Variants in PLD5 observed in about 807,000 individuals in gnomAD.
PLD5 encodes the protein phospholipase D family member 5, also known as inactive phospholipase D5.
Under a neutral mutation model 61.1 loss-of-function variants are expected in PLD5, and 36 were observed. That is an observed-to-expected ratio of 0.59 (90% CI 0.45 to 0.78). The LOEUF is 0.78. Ranked by LOEUF, PLD5 falls within the 30% of genes least tolerant of loss-of-function variation. The pLI, the probability that PLD5 is intolerant of heterozygous loss-of-function variation, is 0.00. For missense variants in PLD5, 515 were observed against 644.4 expected, an observed-to-expected ratio of 0.80 and a Z score of 2.17; for synonymous variants, 243 against 242.8, an observed-to-expected ratio of 1.00 and a Z score of -0.01.
rs536702784 is a variant in PLD5, at chr1:242,265,536, T to C, written c.496-88A>G. 63 of 1,120,982 alleles carry C rather than the reference T, an allele frequency of 5.6e-5. No homozygotes were observed. In the South Asian group the frequency reaches 9.1e-4, roughly 16 times the overall value. 69.4% of individuals were successfully genotyped at this position (1,120,982 alleles called of 1,614,324 possible). A position where few individuals can be genotyped will look rare whatever the true frequency, so the allele number is the denominator to read the frequency against. On this transcript the variant is annotated intron_variant, in intron 3 of 9. Coordinates refer to ENST00000536534, the MANE Select transcript of PLD5 (RefSeq NM_001372062.1). The stretch of plus-strand genomic sequence containing the variant: ...GTAAAAATAAACTCATTAAAATTAA[T>C]CTATTCGTTCAAATGTTAAAAAGTC...
chr1:242,505,636 A>G (rs1156672236), intron 1 of PLD5, among the ~76,000 whole-genome samples: 1 of 152,214 alleles, frequency 6.6e-6, no homozygotes, highest in African/African-American at 2.4e-5. Flanking sequence ...GTTCCATGTG[A>G]TGGACCAGAG....
chr1:242,358,505 T>C (rs1205708715), intron 1 of PLD5, among the ~76,000 whole-genome samples: 3 of 152,088 alleles, frequency 2.0e-5, no homozygotes, highest in Admixed American at 6.6e-5. Flanking sequence ...GTCACTGCCT[T>C]TTCTCTGAAT....
chr1:242,146,676 A>G (rs1377743519), intron 5 of PLD5, among the ~76,000 whole-genome samples: 1 of 152,220 alleles, frequency 6.6e-6, no homozygotes, highest in African/African-American at 2.4e-5. Context: ...TATATATTAA[A>G]AAGTTCTTAT....
upstream of PLD5, among the ~76,000 whole-genome samples, chr1:242,527,114 CTTTTTTTTTTT>C (rs530334746): frequency 3.5e-4 from 25 of 71,974 alleles, no homozygotes; most frequent in South Asian, 1.1e-3. Context: ...CTATCTCCTT[CTTTTTTTTTTT>C]TTTTTTTTTT....
intron 9 of PLD5, among the ~76,000 whole-genome samples, chr1:242,091,254 A>G (rs1024950725): frequency 6.6e-6 from 1 of 152,170 alleles, no homozygotes; most frequent in East Asian, 1.9e-4. Context: ...ACTTCAACAT[A>G]TGAATTTTGG....
In PLD5 at chr1:242,288,288, T is replaced by C. The variant is rs943966874; in HGVS notation, c.495+74A>G. On this transcript the variant is annotated intron_variant, in intron 3 of 9. Coordinates refer to ENST00000536534, the MANE Select transcript of PLD5 (RefSeq NM_001372062.1). ...AATAAATGAGCTTGAGTTTGAGGAG[T>C]GGAGGAGCAGAATACTAAGGAGTGG... 8 of 1,569,382 alleles carry C rather than the reference T, an allele frequency of 5.1e-6. No homozygotes were observed. The African/African-American group carries it at 9.7e-5, about 19-fold the overall frequency.
At chr1:242,118,447 A>G (rs1662116748) in intron 6 of PLD5, among the ~76,000 whole-genome samples, 1 of 152,310 alleles carries the variant, frequency 6.6e-6, no homozygotes, top group East Asian at 1.9e-4. Flanking sequence ...CGCATGTTAC[A>G]TGGCATTGCA....
intron 5 of PLD5, among the ~76,000 whole-genome samples, chr1:242,185,571 C>A (rs1233192609): frequency 2.6e-5 from 4 of 152,146 alleles, no homozygotes; most frequent in Non-Finnish European, 5.9e-5. Context: ...AACACAGCAC[C>A]ACAAGCCTTG....
intron 1 of PLD5, among the ~76,000 whole-genome samples, chr1:242,407,550 G>GTTGTTTTGTTTTGTTGT (rs58824953): frequency 6.8e-6 from 1 of 146,302 alleles, no homozygotes; most frequent in African/African-American, 2.6e-5. Flanking sequence ...TTTTTTTGTT[G>GTTGTTTTGTTTTGTTGT]TGGTTGTTTT....
At chr1:242,452,996 A>C (rs749232220) in intron 1 of PLD5, among the ~76,000 whole-genome samples, 4 of 152,232 alleles carry the variant, frequency 2.6e-5, no homozygotes, top group Admixed American at 6.5e-5. Context: ...AGGTGAAAGG[A>C]AAAAGACAAA....
At chr1:242,466,849 C>A (rs1176166019) in intron 1 of PLD5, among the ~76,000 whole-genome samples, 1 of 150,988 alleles carries the variant, frequency 6.6e-6, no homozygotes, top group Non-Finnish European at 1.5e-5. Context: ...GCTGAGATTG[C>A]GCCACTGCAC....
chr1:242,395,505 A>G (rs952329867), intron 1 of PLD5, among the ~76,000 whole-genome samples: 16 of 152,244 alleles, frequency 1.1e-4, no homozygotes, highest in African/African-American at 3.6e-4. Context: ...GATAAGCCCA[A>G]GAATCAACAA....
chr1:242,181,799 T>C (rs1010528434), intron 5 of PLD5, among the ~76,000 whole-genome samples: 3 of 151,834 alleles, frequency 2.0e-5, no homozygotes, highest in Non-Finnish European at 4.4e-5. Context: ...CTCACCACCA[T>C]GCCTAGCTAA....
intron 9 of PLD5, among the ~76,000 whole-genome samples, chr1:242,097,767 A>T (rs375846551): frequency 1.3e-5 from 2 of 152,146 alleles, no homozygotes; most frequent in African/African-American, 4.8e-5. Context: ...CCCATTTGTC[A>T]ATTTTGGCAT....
intron 1 of PLD5, among the ~76,000 whole-genome samples, chr1:242,481,710 A>G (rs1394693396): frequency 6.6e-6 from 1 of 152,224 alleles, no homozygotes; most frequent in Admixed American, 6.5e-5. Flanking sequence ...TGAAGACAGT[A>G]GTGGTTCTCC....
chr1:242,425,448 C>A lies in PLD5; in HGVS notation c.190-77206G>T, dbSNP rs114747280. Among the ~76,000 whole-genome samples the A allele has an allele frequency of 3.1e-3, 470 of 152,182 alleles. 2 individuals carry two copies. Among genetic ancestry groups the A allele is most frequent in the African/African-American group, 0.01 (432 of 41,516 alleles). On this transcript the variant is annotated intron_variant, in intron 1 of 9. Transcript: ENST00000536534. ...ATGGTATACCTGTAGAGGGCGCATA[C>A]AATAAATGGAGCTTGCAGGACCGGA...
At chr1:242,472,661 C>A (rs1057488024) in intron 1 of PLD5, among the ~76,000 whole-genome samples, 3 of 152,126 alleles carry the variant, frequency 2.0e-5, no homozygotes, top group Non-Finnish European at 2.9e-5. Context: ...TTGGCTTGAA[C>A]GAAATTTATC....
chr1:242,209,927 T>C (rs1357681753), intron 5 of PLD5, among the ~76,000 whole-genome samples: 2 of 152,196 alleles, frequency 1.3e-5, no homozygotes, highest in Non-Finnish European at 2.9e-5. Context: ...CCTGAGTAGC[T>C]GGGATTACAG....
Position 242,327,813 on chromosome 1 carries a change from C to A in PLD5, c.326+20293G>T, listed in dbSNP as rs368129111. On this transcript the variant is annotated intron_variant, in intron 2 of 9. Coordinates refer to ENST00000536534, the MANE Select transcript of PLD5 (RefSeq NM_001372062.1). ...TGATATTAAAAACTCTATCAAGAAC[C>A]AGGCACAGTGGCTTATGCCTGTAAT... Among the ~76,000 whole-genome samples, 3 of 152,220 alleles carry A rather than the reference C, an allele frequency of 2.0e-5. No individual in the cohort carries two copies. In the South Asian group the frequency reaches 6.2e-4, roughly 32 times the overall value.
Sources: gnomAD v4.1 joint callset for allele counts (sites outside exome capture counted in the v4.1 genomes callset) on GRCh38, gnomAD v4.1.1 for gene constraint, MANE v1.5 for transcripts, NCBI Gene and HGNC (gene_info 2026-07-23, HGNC 2026-07-21) for gene names.